Variants in CNTN6 observed in about 807,000 individuals in gnomAD.
CNTN6 encodes contactin-6.
Under a neutral mutation model 122.8 loss-of-function variants are expected in CNTN6, and 137 were observed. The observed-to-expected ratio is 1.12, with a 90% confidence interval of 0.97 to 1.29. CNTN6 has a LOEUF of 1.29. Ranked by LOEUF, CNTN6 falls within the 50% of genes most tolerant of loss-of-function variation. The probability of loss-of-function intolerance (pLI) is 0.00; values close to 1 mark genes in which losing one functional copy is unlikely to be tolerated. For missense variants in CNTN6, 1,634 were observed against 1,223.4 expected, an observed-to-expected ratio of 1.34 and a Z score of -5.01; for synonymous variants, 570 against 426.0, an observed-to-expected ratio of 1.34 and a Z score of -4.16.
chr3:1,333,363 A>G (rs1364189311), intron 11 of CNTN6, among the ~76,000 whole-genome samples: 3 of 152,088 alleles, frequency 2.0e-5, no homozygotes, highest in African/African-American at 7.2e-5. Flanking sequence ...AGCCCAGTAC[A>G]CATTTTTTAA....
intron 9 of CNTN6, 125 bp from the exon 10 acceptor site, chr3:1,327,332 A>C (rs749205020): frequency 5.0e-6 from 5 of 994,398 alleles, no homozygotes; most frequent in Non-Finnish European, 7.3e-6. Flanking sequence ...AGAATCTAGT[A>C]GTGTATTAAT....
intron 4 of CNTN6, among the ~76,000 whole-genome samples, chr3:1,255,161 A>C (rs1201944790): frequency 1.3e-5 from 2 of 152,118 alleles, no homozygotes; most frequent in Non-Finnish European, 2.9e-5. Flanking sequence ...TATGCTCAGA[A>C]CCAATATATT....
intron 16 of CNTN6, among the ~76,000 whole-genome samples, chr3:1,375,939 T>C (rs1344346882): frequency 6.6e-6 from 1 of 152,076 alleles, no homozygotes; most frequent in African/African-American, 2.4e-5. Flanking sequence ...TTAGGTGGTC[T>C]ATATGGTGGG....
intron 16 of CNTN6, among the ~76,000 whole-genome samples, chr3:1,376,038 C>A (rs1327338162): frequency 6.6e-6 from 1 of 152,060 alleles, no homozygotes. Flanking sequence ...CTCAACCAAC[C>A]ACCTCTCCTA....
rs186883843 is a variant in CNTN6 at position 1,402,529 on chromosome 3, C to G, written c.2986+43C>G. ...TGCTGTAGTAGATTCTGAACCTAGA[C>G]AGCTGCAGCATGAAATTCAGCTCCA... On this transcript the variant is annotated intron_variant, in intron 22 of 22. Coordinates refer to ENST00000446702, the MANE Select transcript of CNTN6 (RefSeq NM_001289080.2). 3.6e-5 allele frequency: 54 copies of G among 1,507,110 alleles called. No homozygotes were observed. In the African/African-American group the frequency reaches 7.0e-4, roughly 20 times the overall value. The allele number at this position is 1,507,110 out of a possible 1,614,324, so 93.4% of individuals were successfully genotyped here.
At chr3:1,202,316 G>A (rs1006670580) in intron 2 of CNTN6, among the ~76,000 whole-genome samples, 13 of 152,156 alleles carry the variant, frequency 8.5e-5, no homozygotes, top group Non-Finnish European at 1.8e-4. Flanking sequence ...CGAGGCGGGC[G>A]GATCACGAGC....
At chr3:1,144,668 C>G (rs928108484) in intron 1 of CNTN6, among the ~76,000 whole-genome samples, 3 of 151,998 alleles carry the variant, frequency 2.0e-5, no homozygotes, top group Non-Finnish European at 4.4e-5. Flanking sequence ...GAGACAAAAA[C>G]AAAATACAAA....
intron 19 of CNTN6, among the ~76,000 whole-genome samples, chr3:1,384,758 T>C (rs13319412): frequency 9.6e-5 from 13 of 136,064 alleles, no homozygotes; most frequent in African/African-American, 3.1e-4. Context: ...CACATATATA[T>C]ACATATATAT....
At chr3:1,132,854 A>T (rs1222509477) in intron 1 of CNTN6, among the ~76,000 whole-genome samples, 1 of 152,058 alleles carries the variant, frequency 6.6e-6, no homozygotes, top group Non-Finnish European at 1.5e-5. Context: ...TATTTAAAAA[A>T]GTCTTATGTG....
chr3:1,162,802 A>G (rs901409657), intron 2 of CNTN6, among the ~76,000 whole-genome samples: 1 of 152,242 alleles, frequency 6.6e-6, no homozygotes, highest in African/African-American at 2.4e-5. Flanking sequence ...CAGAAGTGCC[A>G]TCTTCTACTC....
chr3:1,247,670 T>G lies in CNTN6; in HGVS notation c.358+19677T>G, dbSNP rs376987499. Among the ~76,000 whole-genome samples the G allele has an allele frequency of 8.5e-5, 13 of 152,160 alleles. No individual in the cohort carries two copies. In the East Asian group the frequency reaches 2.1e-3, roughly 25 times the overall value. ...TCTGTGAGTATAATCACCCTGAGTA[T>G]AAAAAGCCCGAGGGAAGCTTCTCCT... On this transcript the variant is annotated intron_variant, in intron 4 of 22. Transcript: ENST00000446702.
chr3:1,321,825 A>T lies in CNTN6; in HGVS notation c.937A>T (p.Ile313Phe). The stretch of plus-strand genomic sequence containing the variant: ...AAGAAACCTTGCAAAGGGTCAACTC[A>T]TTTTTTATGGTGAGCTAATTGGATT... ...RGRNLAKGQL[I>F]FYAPPEWEQK... The change falls in exon 8 of 23, where the codon ATT becomes TTT. Residue 313 changes from isoleucine (I) to phenylalanine (F), a missense_variant. Transcript: ENST00000446702. 6.2e-7 allele frequency: 1 copy of T among 1,601,944 alleles called. No individual in the cohort carries two copies. The highest frequency in any genetic ancestry group is 1.1e-5 in the South Asian group (1 of 89,508).
intron 2 of CNTN6, among the ~76,000 whole-genome samples, chr3:1,201,097 TTTTGTGTGTGTGTG>T (rs1218675193): frequency 2.2e-4 from 25 of 112,800 alleles, no homozygotes; most frequent in African/African-American, 6.8e-4. Context: ...CCAGCTAACA[TTTTGTGTGTGTGTG>T]TGTGTGTGTG....
At chr3:1,387,336 A>G (rs989433664) in intron 20 of CNTN6, among the ~76,000 whole-genome samples, 2 of 151,558 alleles carry the variant, frequency 1.3e-5, no homozygotes, top group Non-Finnish European at 2.9e-5. Context: ...ATGAAGTTCT[A>G]TTCCTTTTCC....
At position 1,321,743 on chromosome 3, in the gene CNTN6, G is replaced by C. The variant is rs773414799; in HGVS notation, c.855G>C (p.Pro285=). Residue 285 remains proline (P), a synonymous_variant, in exon 8 of 23, where the codon CCG becomes CCC. Coordinates refer to ENST00000446702, the MANE Select transcript of CNTN6 (RefSeq NM_001289080.2). ...YSKSQAILEI[P]NFQQEDEGFY... is the part of the protein sequence containing the mutation. ...AATCCCAAGCTATCCTTGAAATCCC[G>C]AACTTCCAACAAGAAGATGAAGGCT... 4.5e-5 allele frequency: 73 copies of C among 1,611,676 alleles called. No homozygotes were observed. Among genetic ancestry groups the C allele is most frequent in the South Asian group, 7.7e-5 (7 of 91,010 alleles).
intron 1 of CNTN6, among the ~76,000 whole-genome samples, chr3:1,134,656 C>T (rs770043019): frequency 2.0e-5 from 3 of 152,048 alleles, no homozygotes; most frequent in Non-Finnish European, 4.4e-5. Flanking sequence ...GTTAGCTAAT[C>T]TCCCTGAACC....
intron 2 of CNTN6, among the ~76,000 whole-genome samples, chr3:1,163,953 AAAC>A (rs1486037076): frequency 2.0e-5 from 3 of 152,208 alleles, no homozygotes; most frequent in African/African-American, 7.2e-5. Context: ...CTGCACCAGG[AAAC>A]AACAAGTTTC....
At chr3:1,350,045 T>C (rs1705383140) in intron 11 of CNTN6, among the ~76,000 whole-genome samples, 1 of 151,930 alleles carries the variant, frequency 6.6e-6, no homozygotes, top group African/African-American at 2.4e-5. Flanking sequence ...TTATTATTCT[T>C]TTATAAATTA....
At chr3:1,356,018 C>T (rs1362087271) in intron 12 of CNTN6, among the ~76,000 whole-genome samples, 1 of 151,620 alleles carries the variant, frequency 6.6e-6, no homozygotes, top group East Asian at 1.9e-4. Flanking sequence ...TCAGAAGATG[C>T]CCAGTATAAT....
Sources: gnomAD v4.1 joint callset for allele counts (sites outside exome capture counted in the v4.1 genomes callset) on GRCh38, gnomAD v4.1.1 for gene constraint, MANE v1.5 for transcripts, NCBI Gene and HGNC (gene_info 2026-07-23, HGNC 2026-07-21) for gene names.